The following CHRNA7 variants were observed in gnomAD, a reference collection of about 807,000 sequenced individuals.
CHRNA7 encodes neuronal acetylcholine receptor subunit alpha-7.
CHRNA7 carries 17 observed loss-of-function variants against 48.0 expected under a neutral mutation model. The ratio of observed to expected loss-of-function variants is 0.35; its 90% confidence interval spans 0.24 to 0.53. The LOEUF (loss-of-function observed/expected upper bound fraction) is 0.53. Among genes scored for constraint, CHRNA7 ranks in the 20% least tolerant of loss-of-function variants. The pLI is 0.92. For synonymous variants in CHRNA7, 75 were observed against 242.3 expected, an observed-to-expected ratio of 0.31 and a Z score of 6.41; for missense variants, 155 against 577.7, an observed-to-expected ratio of 0.27 and a Z score of 7.50.
In CHRNA7 at chr15:32,050,705, G is replaced by A. The variant is rs1053312936; in HGVS notation, c.195+19668G>A. 5.3e-5 allele frequency among the ~76,000 whole-genome samples: 8 copies of A among 152,298 alleles called. No homozygotes were observed. In the South Asian group the frequency reaches 1.2e-3, roughly 24 times the overall value. The stretch of plus-strand genomic sequence containing the variant: ...TGTTGGTGAGGAACTGCCTTCCTTT[G>A]TAGGAGGAGAGTCACTCTGCTTTTT... On this transcript the variant is annotated intron_variant, in intron 2 of 9. Transcript: ENST00000306901.
rs369152349 is a variant in CHRNA7 at position 32,056,902 on chromosome 15, C to T, written c.195+25865C>T. On this transcript the variant is annotated intron_variant, in intron 2 of 9. Coordinates refer to ENST00000306901, the MANE Select transcript of CHRNA7 (RefSeq NM_000746.6). ...CATTAGGCAAATTCAATTTAGCAGA[C>T]GTTATATGAGCAAAGAACAATTCAT... is the stretch of plus-strand genomic sequence containing the variant. Among the ~76,000 whole-genome samples, 15 of 152,202 alleles carry T rather than the reference C, an allele frequency of 9.9e-5. No homozygotes were observed. In the South Asian group the frequency reaches 1.7e-3, roughly 17 times the overall value.
At chr15:32,053,351 T>C (rs1281328776) in intron 2 of CHRNA7, among the ~76,000 whole-genome samples, 2 of 152,222 alleles carry the variant, frequency 1.3e-5, no homozygotes, top group Non-Finnish European at 1.5e-5. Flanking sequence ...TGCTGCCTTA[T>C]TGATTTATTT....
In CHRNA7 at chr15:32,034,373, T is replaced by C. The variant is rs558394138; in HGVS notation, c.195+3336T>C. On this transcript the variant is annotated intron_variant, in intron 2 of 9. Coordinates refer to ENST00000306901, the MANE Select transcript of CHRNA7 (RefSeq NM_000746.6). Reference sequence around the variant, plus strand: ...TCTCAGAAAATTTATGCTATGTTTTTTGAGACATTCTAAAAGACCAATATA... The same window carrying C: ...TCTCAGAAAATTTATGCTATGTTTTCTGAGACATTCTAAAAGACCAATATA... Among the ~76,000 whole-genome samples the C allele has an allele frequency of 6.4e-4, 98 of 152,258 alleles. No homozygotes were observed. In the South Asian group the frequency reaches 0.02, roughly 30 times the overall value.
intron 2 of CHRNA7, among the ~76,000 whole-genome samples, chr15:32,036,399 G>A (rs1902087506): frequency 6.6e-6 from 1 of 152,202 alleles, no homozygotes; most frequent in African/African-American, 2.4e-5. Context: ...TAAGCATCTT[G>A]TGCAGATTTT....
intron 4 of CHRNA7, among the ~76,000 whole-genome samples, chr15:32,150,732 C>G (rs536999934): frequency 2.0e-5 from 3 of 152,216 alleles, no homozygotes; most frequent in Admixed American, 2.0e-4. Context: ...TGAGGCGCCT[C>G]CATAGGGTCT....
intron 9 of CHRNA7, chr15:32,165,569 T>C (rs2052059137): frequency 6.6e-6 from 1 of 152,070 alleles, no homozygotes; most frequent in African/African-American, 2.4e-5. Context: ...TTAAAACCAA[T>C]TGGCTGCAAA....
rs1417914607 is a variant in CHRNA7, at chr15:32,061,977, AC to A, written c.195+30941del. ...TGTCACAATACTCATGATTGGTGAT[AC>A]TTTTTAAAATTAACATTTTGGTAAT... is the stretch of plus-strand genomic sequence containing the variant. On this transcript the variant is annotated intron_variant, in intron 2 of 9. Coordinates refer to ENST00000306901, the MANE Select transcript of CHRNA7 (RefSeq NM_000746.6). Among the ~76,000 whole-genome samples, 3 of 152,222 alleles carry A rather than the reference AC, an allele frequency of 2.0e-5. No individual in the cohort carries two copies. In the East Asian group the frequency reaches 5.8e-4, roughly 29 times the overall value.
chr15:32,087,445 T>A (rs1047135479), intron 2 of CHRNA7, among the ~76,000 whole-genome samples: 1 of 152,192 alleles, frequency 6.6e-6, no homozygotes, highest in Non-Finnish European at 1.5e-5. Context: ...CTTGTATTGG[T>A]GAATGATTAG....
At chr15:32,093,748 C>G (rs1305956021) in intron 2 of CHRNA7, among the ~76,000 whole-genome samples, 1 of 152,082 alleles carries the variant, frequency 6.6e-6, no homozygotes, top group Admixed American at 6.6e-5. Flanking sequence ...GATTATGTCT[C>G]AAGGAATCAC....
At chr15:32,068,127 C>T (rs1311908646) in intron 2 of CHRNA7, among the ~76,000 whole-genome samples, 3 of 151,962 alleles carry the variant, frequency 2.0e-5, no homozygotes, top group Non-Finnish European at 4.4e-5. Flanking sequence ...GCCTGGGTTA[C>T]AGAGTGAGGC....
At chr15:32,080,817 C>T (rs752663741) in intron 2 of CHRNA7, among the ~76,000 whole-genome samples, 3 of 152,210 alleles carry the variant, frequency 2.0e-5, no homozygotes, top group Non-Finnish European at 2.9e-5. Context: ...GAATATAAAT[C>T]ATTCTATTAC....
intron 2 of CHRNA7, among the ~76,000 whole-genome samples, chr15:32,055,486 AAG>A (rs1267890762): frequency 1.3e-5 from 2 of 152,192 alleles, no homozygotes; most frequent in African/African-American, 2.4e-5. Context: ...CAGAAGGGCA[AAG>A]AGTGGGTGTG....
chr15:32,071,476 C>T (rs953422242), intron 2 of CHRNA7, among the ~76,000 whole-genome samples: 11 of 152,172 alleles, frequency 7.2e-5, no homozygotes, highest in Admixed American at 3.9e-4. Context: ...GTACACACTT[C>T]GTTAGATTTA....
intron 2 of CHRNA7, among the ~76,000 whole-genome samples, chr15:32,047,098 G>A (rs1474985291): frequency 2.1e-5 from 3 of 145,894 alleles, no homozygotes; most frequent in South Asian, 2.2e-4. Context: ...TTGAAGTCAG[G>A]TAGCGTGATG....
intron 4 of CHRNA7, among the ~76,000 whole-genome samples, chr15:32,143,251 T>C (rs953906096): frequency 1.3e-5 from 2 of 152,242 alleles, no homozygotes; most frequent in African/African-American, 4.8e-5. Flanking sequence ...TTCTTAATCT[T>C]GAGTTCTAAT....
chr15:32,114,821 G>A (rs190125975), intron 4 of CHRNA7, among the ~76,000 whole-genome samples: 4 of 152,338 alleles, frequency 2.6e-5, no homozygotes, highest in Admixed American at 1.3e-4. Context: ...GTGGCTGGTT[G>A]TCTCTTTCAC....
intron 4 of CHRNA7, among the ~76,000 whole-genome samples, chr15:32,145,890 G>T (rs1028330652): frequency 6.6e-6 from 1 of 152,178 alleles, no homozygotes; most frequent in Non-Finnish European, 1.5e-5. Flanking sequence ...GTGAGGCGAC[G>T]CCCCACCCTG....
At chr15:32,141,073 T>C (rs1462755059) in intron 4 of CHRNA7, among the ~76,000 whole-genome samples, 1 of 152,248 alleles carries the variant, frequency 6.6e-6, no homozygotes, top group Admixed American at 6.5e-5. Flanking sequence ...TTTAAGTCTT[T>C]AATCCATCTT....
At chr15:32,137,843 A>G (rs2051300835) in intron 4 of CHRNA7, among the ~76,000 whole-genome samples, 1 of 152,242 alleles carries the variant, frequency 6.6e-6, no homozygotes, top group African/African-American at 2.4e-5. Flanking sequence ...ATACTTGTCT[A>G]AGCATCTTTA....
Sources: allele counts gnomAD v4.1 joint callset (sites outside exome capture counted in the v4.1 genomes callset), GRCh38; gene constraint gnomAD v4.1.1; transcripts MANE v1.5; gene names NCBI Gene and HGNC (gene_info 2026-07-23, HGNC 2026-07-21).